RIMBP2: variants seen among roughly 807,000 people sequenced by gnomAD.
The protein encoded by RIMBP2 is RIMS binding protein 2.
A neutral mutation model predicts 118.6 loss-of-function variants in RIMBP2; 48 were observed. The observed-to-expected ratio is 0.40, with a 90% CI of 0.32 to 0.51. RIMBP2 has a LOEUF of 0.51. RIMBP2 is among the 20% of genes least tolerant of loss of function. The probability of loss-of-function intolerance (pLI) is 0.41; values close to 1 mark genes in which losing one functional copy is unlikely to be tolerated. For missense variants in RIMBP2, 1,551 were observed against 1,768.3 expected, an observed-to-expected ratio of 0.88 and a Z score of 2.20; for synonymous variants, 762 against 742.9, an observed-to-expected ratio of 1.03 and a Z score of -0.42.
rs547452634 is a variant in RIMBP2, at chr12:130,678,587, G to A, written c.-352+37635C>T. ...GGCTGGAGCGCAGTGGCACGATCTC[G>A]GCTCACTGCAGCCTCCACCTCCCAG... On this transcript the variant is annotated intron_variant, in intron 1 of 22. Coordinates refer to ENST00000690449, the MANE Select transcript of RIMBP2 (RefSeq NM_001393629.1). 7.2e-5 allele frequency among the ~76,000 whole-genome samples: 11 copies of A among 152,136 alleles called. 1 individual carries two copies. The highest frequency in any genetic ancestry group is 6.8e-3 in the Middle Eastern group (2 of 294).
At chr12:130,407,630 T>C in intron 20 of RIMBP2, 96 bp downstream of exon 20, 2 of 952,260 alleles carry the variant, frequency 2.1e-6, no homozygotes, top group East Asian at 2.4e-5. Flanking sequence ...AGAGAAGGAA[T>C]GAGGAGGTGA....
Position 130,702,336 on chromosome 12 carries a change from G to A in RIMBP2, c.-352+13886C>T, listed in dbSNP as rs188222130. Among the ~76,000 whole-genome samples the A allele has an allele frequency of 3.1e-3, 467 of 152,120 alleles. 1 individual carries two copies. The highest frequency in any genetic ancestry group is 0.031 in the Middle Eastern group (9 of 294). ...GTTCGAGACCAGCCCGATCAATATG[G>A]AGAAACCCCATCTTTACTAAAAATA... On this transcript the variant is annotated intron_variant, in intron 1 of 22. Transcript: ENST00000690449.
At chr12:130,655,921 G>C (rs570859617) in intron 1 of RIMBP2, among the ~76,000 whole-genome samples, 12 of 152,252 alleles carry the variant, frequency 7.9e-5, no homozygotes, top group Non-Finnish European at 1.3e-4. Context: ...GAGGGAAGAT[G>C]CTGGGAGAGC....
chr12:130,484,507 G>C (rs967991650), intron 4 of RIMBP2, among the ~76,000 whole-genome samples: 3 of 152,202 alleles, frequency 2.0e-5, no homozygotes, highest in Non-Finnish European at 4.4e-5. Context: ...CAGTGCACTG[G>C]CCGGCTCCCT....
At chr12:130,544,136 T>G (rs10734976) in intron 2 of RIMBP2, among the ~76,000 whole-genome samples, 1 of 152,162 alleles carries the variant, frequency 6.6e-6, no homozygotes, top group Non-Finnish European at 1.5e-5. Context: ...CATTTATCCA[T>G]ATCCTATCTG....
intron 4 of RIMBP2, among the ~76,000 whole-genome samples, chr12:130,485,145 G>C (rs1195209946): frequency 6.6e-6 from 1 of 152,222 alleles, no homozygotes; most frequent in Non-Finnish European, 1.5e-5. Flanking sequence ...GGCAACCAGG[G>C]CTGCACCAAC....
At chr12:130,701,576 T>G (rs936485013) in intron 1 of RIMBP2, among the ~76,000 whole-genome samples, 6 of 152,190 alleles carry the variant, frequency 3.9e-5, no homozygotes, top group South Asian at 2.1e-4. Flanking sequence ...AAAAGTACCT[T>G]GCTGGGCACG....
At chr12:130,480,592 CTCAT>C (rs1314608519) in intron 4 of RIMBP2, among the ~76,000 whole-genome samples, 5 of 152,104 alleles carry the variant, frequency 3.3e-5, no homozygotes, top group Non-Finnish European at 7.4e-5. Flanking sequence ...TAGCCTTTTA[CTCAT>C]TTTTATTTAT....
At chr12:130,671,076 T>TC (rs2064174467) in intron 1 of RIMBP2, among the ~76,000 whole-genome samples, 1 of 152,176 alleles carries the variant, frequency 6.6e-6, no homozygotes, top group South Asian at 2.1e-4. Context: ...CTTCTGCTTT[T>TC]CTGATAGGAC....
rs1280992294 is a variant in RIMBP2 at position 130,646,286 on chromosome 12, ACCACCTGCCTCT to A, written c.-351-17842_-351-17831del. Among the ~76,000 whole-genome samples, 5 of 34,012 alleles carry A rather than the reference ACCACCTGCCTCT, an allele frequency of 1.5e-4. 2 individuals are homozygous for A. The highest frequency in any genetic ancestry group is 3.3e-4 in the Admixed American group (1 of 2,992). 22.3% of individuals were successfully genotyped at this position (34,012 alleles called of 152,430 possible). On this transcript the variant is annotated intron_variant, in intron 1 of 22. Coordinates refer to ENST00000690449, the MANE Select transcript of RIMBP2 (RefSeq NM_001393629.1). ...CTCCACCTGCCTCACCACCTCCCTC[ACCACCTGCCTCT>A]CCACCTCCCTCACCACTTCCCTCTC...
At position 130,450,928 on chromosome 12, in the gene RIMBP2, C is replaced by A. The variant is rs1379654619; in HGVS notation, c.504+267G>T. On this transcript the variant is annotated intron_variant, in intron 8 of 22. Transcript: ENST00000690449. The surrounding 1 kb of genome is among the most constrained non-coding windows in gnomAD (Gnocchi z 4.8). ...CTTGCTGCGTCATCCTTGCACCCCT[C>A]GATGGGATTTGCTTTTCTAAACGCT... Among the ~76,000 whole-genome samples the A allele has an allele frequency of 6.6e-6, 1 of 152,190 alleles. No homozygotes were observed. Among genetic ancestry groups the A allele is most frequent in the South Asian group, 2.1e-4 (1 of 4,822 alleles).
At chr12:130,468,429 G>A (rs1054009051) in intron 6 of RIMBP2, among the ~76,000 whole-genome samples, 7 of 152,260 alleles carry the variant, frequency 4.6e-5, no homozygotes, top group Admixed American at 1.3e-4. Context: ...GCTCCTGGGC[G>A]CTGCTGCTGC....
intron 1 of RIMBP2, among the ~76,000 whole-genome samples, chr12:130,642,794 G>A (rs1412590249): frequency 6.6e-6 from 1 of 152,156 alleles, no homozygotes; most frequent in Non-Finnish European, 1.5e-5. Context: ...AAGAAAACTA[G>A]GCTACACATT....
At chr12:130,649,310 C>T (rs2063124034) in intron 1 of RIMBP2, among the ~76,000 whole-genome samples, 1 of 109,456 alleles carries the variant, frequency 9.1e-6, no homozygotes, top group African/African-American at 2.8e-5. Context: ...TGCTCCCGGC[C>T]GGAGGCCGCT....
Position 130,646,465 on chromosome 12 carries a change from CGCT to C in RIMBP2, c.-351-18012_-351-18010del, listed in dbSNP as rs1378400847. 2.0e-5 allele frequency among the ~76,000 whole-genome samples: 3 copies of C among 150,722 alleles called. 1 individual carries two copies. The highest frequency in any genetic ancestry group is 3.0e-5 in the Non-Finnish European group (2 of 67,626). ...TTGCCACCTCCCTCGCCACCTCCCT[CGCT>C]ACCTCCCTCACTACTGCAAAAGGGA... On this transcript the variant is annotated intron_variant, in intron 1 of 22. Coordinates refer to ENST00000690449, the MANE Select transcript of RIMBP2 (RefSeq NM_001393629.1).
chr12:130,563,090 T>TA (rs2056942627), intron 2 of RIMBP2, among the ~76,000 whole-genome samples: 1 of 152,242 alleles, frequency 6.6e-6, no homozygotes, highest in African/African-American at 2.4e-5. Flanking sequence ...ATGTATCTGC[T>TA]AAAACACTGT....
At chr12:130,555,565 T>G (rs2056270766) in intron 2 of RIMBP2, among the ~76,000 whole-genome samples, 1 of 152,162 alleles carries the variant, frequency 6.6e-6, no homozygotes, top group Non-Finnish European at 1.5e-5. Context: ...ATTGAAGTGG[T>G]AAGTGACAAA....
At chr12:130,494,958 C>T (rs940063412) in intron 4 of RIMBP2, among the ~76,000 whole-genome samples, 7 of 152,206 alleles carry the variant, frequency 4.6e-5, no homozygotes, top group African/African-American at 1.7e-4. Context: ...CCGCCCCATG[C>T]CCCGCTCCAG....
At chr12:130,678,493 C>T (rs554101763) in intron 1 of RIMBP2, among the ~76,000 whole-genome samples, 4 of 152,228 alleles carry the variant, frequency 2.6e-5, no homozygotes, top group South Asian at 2.1e-4. Flanking sequence ...GAGCCAGGCA[C>T]GAAGGCCACA....
Sources: allele counts gnomAD v4.1 joint callset (sites outside exome capture counted in the v4.1 genomes callset), GRCh38; gene constraint gnomAD v4.1.1; non-coding constraint Gnocchi (gnomAD v3.1); transcripts MANE v1.5; gene names NCBI Gene and HGNC (gene_info 2026-07-23, HGNC 2026-07-21).